Variants in AVPR1B observed in about 807,000 individuals in gnomAD.
The protein encoded by AVPR1B is vasopressin V1b receptor.
AVPR1B carries 25 observed loss-of-function variants against 27.5 expected under a neutral mutation model. The observed-to-expected ratio is 0.91, with a 90% CI of 0.66 to 1.27. The LOEUF (loss-of-function observed/expected upper bound fraction) is 1.27, where lower values mean the gene tolerates loss of function less well. Among genes scored for constraint, AVPR1B ranks in the 50% most tolerant of loss-of-function variants. The pLI, the probability that AVPR1B is intolerant of heterozygous loss-of-function variation, is 0.00. For missense variants in AVPR1B, 595 were observed against 556.9 expected (o/e 1.07, Z -0.69); for synonymous variants, 248 against 240.2 (o/e 1.03, Z -0.30).
At position 206,110,147 on chromosome 1, in the gene AVPR1B, C is replaced by T. The variant is rs1255235868; in HGVS notation, c.*42G>A. ...AGTGCCCGAGGTGGGCAGAGAACCT[C>T]CACTAGTCCTGGGGGCAGTACCAGA... On this transcript the variant is annotated 3_prime_UTR_variant, in exon 2 of 2. Coordinates refer to ENST00000367126, the MANE Select transcript of AVPR1B (RefSeq NM_000707.5). The T allele has an allele frequency of 1.3e-6, 2 of 1,552,964 alleles. No homozygotes were observed. The highest frequency in any genetic ancestry group is 2.7e-5 in the African/African-American group (2 of 73,266).
rs115168513 is a variant in AVPR1B, at chr1:206,108,845, G to A, written c.*1344C>T. 1.3e-4 allele frequency among the ~76,000 whole-genome samples: 20 copies of A among 152,276 alleles called. No individual in the cohort carries two copies. Among genetic ancestry groups the A allele is most frequent in the South Asian group, 6.2e-4 (3 of 4,824 alleles). ...ATGTGCCATGCTCTTCCTCTACCTC[G>A]GTCTACCTTGGCCTGCAGCCTCTCC... On this transcript the variant is annotated 3_prime_UTR_variant, in exon 2 of 2. Coordinates refer to ENST00000367126, the MANE Select transcript of AVPR1B (RefSeq NM_000707.5).
intron 1 of AVPR1B, among the ~76,000 whole-genome samples, chr1:206,113,254 A>C (rs1663409048): frequency 6.6e-6 from 1 of 152,190 alleles, no homozygotes; most frequent in East Asian, 1.9e-4. Context: ...TACCACACCC[A>C]GTCCTGGCCT....
At chr1:206,111,553 CAGTT>C (rs1450673346) in intron 1 of AVPR1B, among the ~76,000 whole-genome samples, 6 of 152,134 alleles carry the variant, frequency 3.9e-5, no homozygotes, top group South Asian at 4.1e-4. Context: ...TTTTATAGCA[CAGTT>C]AGTAAGAGCT....
Position 206,110,046 on chromosome 1 carries a change from C to T in AVPR1B, c.*143G>A. ...GCAGCTGTGACACCAGGGTAGGGGA[C>T]CCATTCTGGCCTTTTCGCTCCGCTT... On this transcript the variant is annotated 3_prime_UTR_variant, in exon 2 of 2. Transcript: ENST00000367126. The T allele has an allele frequency of 3.2e-6, 3 of 948,482 alleles. No homozygotes were observed. The highest frequency in any genetic ancestry group is 4.6e-6 in the Non-Finnish European group (3 of 646,050). 58.8% of individuals were successfully genotyped at this position (948,482 alleles called of 1,614,324 possible).
At chr1:206,111,086 G>C (rs528300601) in intron 1 of AVPR1B, among the ~76,000 whole-genome samples, 21 of 152,250 alleles carry the variant, frequency 1.4e-4, no homozygotes, top group African/African-American at 4.6e-4. Context: ...GACTCTGCCT[G>C]ACTCTATGCT....
Position 206,116,120 on chromosome 1 carries a change from G to A in AVPR1B, c.771C>T (p.Ala257=), listed in dbSNP as rs782291119. 22 of 1,614,050 alleles carry A rather than the reference G, an allele frequency of 1.4e-5. No homozygotes were observed. In the Admixed American group the frequency reaches 3.7e-4, roughly 27 times the overall value. ...CCCGAGATGGCAGCCCCCGAGTGGT[G>A]GCAGCTAAGGTGGAAGGTGAGGGCC... ...WDRPSPSTLA[A]TTRGLPSRVS... is the part of the protein sequence containing the mutation. Residue 257 remains alanine, a synonymous_variant, in exon 1 of 2, where the codon GCC becomes GCT. Transcript: ENST00000367126.
intron 1 of AVPR1B, among the ~76,000 whole-genome samples, chr1:206,115,119 CA>C (rs781990788): frequency 1.3e-5 from 2 of 152,124 alleles, no homozygotes; most frequent in Non-Finnish European, 2.9e-5. Context: ...AGCATGCATG[CA>C]CTTAAAATTA....
chr1:206,110,298 A>G lies in AVPR1B; in HGVS notation c.1166T>C (p.Leu389Pro). Residue 389 changes from leucine (L) to proline (P), a missense_variant, in exon 2 of 2, where the codon CTC (leucine) becomes CCC (proline). Leu to Pro is a moderately conservative substitution (Grantham distance 98). Coordinates refer to ENST00000367126, the MANE Select transcript of AVPR1B (RefSeq NM_000707.5). ...LLTRSSCPAT[L>P]SLSLSLTLSG... ...GAGGGTTAGGCTGAGGCTGAGGCTG[A>G]GGGTGGCCGGGCAGCTGGAGCGGGT... The G allele has an allele frequency of 6.2e-7, 1 of 1,613,750 alleles. No individual in the cohort carries two copies. The highest frequency in any genetic ancestry group is 1.1e-5 in the South Asian group (1 of 91,054).
chr1:206,111,768 C>T (rs1030141295), intron 1 of AVPR1B, among the ~76,000 whole-genome samples: 2 of 152,092 alleles, frequency 1.3e-5, no homozygotes, highest in African/African-American at 4.8e-5. Flanking sequence ...AAGACATAGG[C>T]CGAGAACATT....
In AVPR1B at chr1:206,109,858, G is replaced by A. The variant is rs561903511; in HGVS notation, c.*331C>T. On this transcript the variant is annotated 3_prime_UTR_variant, in exon 2 of 2. Coordinates refer to ENST00000367126, the MANE Select transcript of AVPR1B (RefSeq NM_000707.5). ...GCCAGCCTCTGAATTCCTGCCACCCGTGGACCCCTAGACAGCACCATCCTA... is the reference window on the plus strand; with the variant it reads ...GCCAGCCTCTGAATTCCTGCCACCCATGGACCCCTAGACAGCACCATCCTA... The A allele has an allele frequency of 6.2e-4, 151 of 242,234 alleles. 1 individual carries two copies. The highest frequency in any genetic ancestry group is 3.2e-3 in the African/African-American group (145 of 44,782). 15.0% of individuals were successfully genotyped at this position (242,234 alleles called of 1,614,324 possible). A position where few individuals can be genotyped will look rare whatever the true frequency, so the allele number is the denominator to read the frequency against.
intron 1 of AVPR1B, among the ~76,000 whole-genome samples, chr1:206,114,861 A>G (rs1553290275): frequency 1.3e-5 from 2 of 152,166 alleles, no homozygotes; most frequent in Non-Finnish European, 2.9e-5. Flanking sequence ...TTGGATAAAA[A>G]GCAGAATGAG....
At chr1:206,114,878 C>A (rs1400353599) in intron 1 of AVPR1B, among the ~76,000 whole-genome samples, 1 of 151,966 alleles carries the variant, frequency 6.6e-6, no homozygotes, top group African/African-American at 2.4e-5. Context: ...TGAGTAGGAG[C>A]AGAAGCAGGA....
chr1:206,110,627 A>T (rs1281999528), intron 1 of AVPR1B, 104 bp from the exon 2 acceptor site: 19 of 1,019,916 alleles, frequency 1.9e-5, no homozygotes, highest in Non-Finnish European at 2.7e-5. Flanking sequence ...ACTGAGTCCT[A>T]GAGAGGGGAA....
chr1:206,112,104 A>T (rs1553289919), intron 1 of AVPR1B, among the ~76,000 whole-genome samples: 1 of 152,086 alleles, frequency 6.6e-6, no homozygotes, highest in Non-Finnish European at 1.5e-5. Flanking sequence ...CTGAGGCGGG[A>T]GAATCGCTTG....
In AVPR1B at chr1:206,116,383, A is replaced by G; in HGVS notation, c.508T>C (p.Phe170Leu). 1 of 1,613,842 alleles carries G rather than the reference A, an allele frequency of 6.2e-7. No homozygotes were observed. The highest frequency in any genetic ancestry group is 8.5e-7 in the Non-Finnish European group (1 of 1,180,032). The change falls in exon 1 of 2, where the codon TTC becomes CTC. Residue 170 changes from phenylalanine to leucine, a missense_variant. Physicochemically the swap from Phe to Leu is conservative, Grantham distance 22. Transcript: ENST00000367126. ...LAAIFSLPQV[F>L]IFSLREVIQG... ...ATCACCTCCCGCAGGGAAAAAATGAAGACTTGAGGGAGGCTGAAGATGGCG... is the reference window on the plus strand; with the variant it reads ...ATCACCTCCCGCAGGGAAAAAATGAGGACTTGAGGGAGGCTGAAGATGGCG...
intron 1 of AVPR1B, among the ~76,000 whole-genome samples, chr1:206,115,279 C>T (rs1049629001): frequency 6.6e-6 from 1 of 152,100 alleles, no homozygotes; most frequent in East Asian, 1.9e-4. Context: ...ACCAAACTGA[C>T]GCCGATCTCA....
Position 206,110,214 on chromosome 1 carries a change from C to G in AVPR1B, c.1250G>C (p.Gly417Ala). ...CTAAAAGATGATGGTCTCAGCGGTG[C>G]CTTCCCCATCTGCCAGCTCCAAGTC... is the stretch of plus-strand genomic sequence containing the variant. ...PRDLELADGE[G>A]TAETIIF Residue 417 changes from glycine to alanine, a missense_variant, in exon 2 of 2, where the codon GGC (glycine) becomes GCC (alanine). Physicochemically the swap from Gly to Ala is moderately conservative, Grantham distance 60. Transcript: ENST00000367126. 1 of 1,612,066 alleles carries G rather than the reference C, an allele frequency of 6.2e-7. No homozygotes were observed.
At position 206,107,653 on chromosome 1, in the gene AVPR1B, C is replaced by T. The variant is rs975060587; in HGVS notation, c.*2536G>A. ...CCAAGTAAATTATTCTTGTGCAATG[C>T]AAAACAGAAAATATCATAGTAGTAA... On this transcript the variant is annotated 3_prime_UTR_variant, in exon 2 of 2. Coordinates refer to ENST00000367126, the MANE Select transcript of AVPR1B (RefSeq NM_000707.5). Among the ~76,000 whole-genome samples the T allele has an allele frequency of 6.6e-6, 1 of 152,188 alleles. No individual in the cohort carries two copies.
At chr1:206,112,176 CAA>C (rs1197887276) in intron 1 of AVPR1B, among the ~76,000 whole-genome samples, 2 of 151,452 alleles carry the variant, frequency 1.3e-5, no homozygotes, top group African/African-American at 4.9e-5. Context: ...GCCTGGGTGA[CAA>C]GAGCAAGACT....
Sources: gnomAD v4.1 joint callset for allele counts (sites outside exome capture counted in the v4.1 genomes callset) on GRCh38, gnomAD v4.1.1 for gene constraint, MANE v1.5 for transcripts, NCBI Gene and HGNC (gene_info 2026-07-23, HGNC 2026-07-21) for gene names.